Variants in CEACAM5 observed in about 807,000 individuals in gnomAD.
CEACAM5 encodes cell adhesion molecule CEACAM5.
Under a neutral mutation model 63.0 loss-of-function variants are expected in CEACAM5, and 52 were observed. The ratio of observed to expected loss-of-function variants is 0.83; its 90% confidence interval spans 0.66 to 1.04. CEACAM5 has a LOEUF of 1.04. Ranked by LOEUF, CEACAM5 falls within the 50% of genes least tolerant of loss-of-function variation. The pLI, the probability that CEACAM5 is intolerant of heterozygous loss-of-function variation, is 0.00. For missense variants in CEACAM5, 790 were observed against 864.8 expected, an observed-to-expected ratio of 0.91 and a Z score of 1.08; for synonymous variants, 357 against 351.3, an observed-to-expected ratio of 1.02 and a Z score of -0.18.
At chr19:41,712,135 C>T (rs1348165433) in intron 2 of CEACAM5, among the ~76,000 whole-genome samples, 2 of 152,200 alleles carry the variant, frequency 1.3e-5, no homozygotes, top group Non-Finnish European at 2.9e-5. Flanking sequence ...GTCTGCAGTC[C>T]CCAAAGCCCG....
intron 2 of CEACAM5, among the ~76,000 whole-genome samples, chr19:41,713,583 C>G (rs2072470996): frequency 6.6e-6 from 1 of 152,208 alleles, no homozygotes; most frequent in Admixed American, 6.5e-5. Flanking sequence ...TCTCCATTCC[C>G]CCAGTTCCCA....
intron 6 of CEACAM5, 121 bp downstream of exon 6, chr19:41,718,503 A>C (rs1462791159): frequency 9.8e-7 from 1 of 1,020,292 alleles, no homozygotes; most frequent in African/African-American, 1.6e-5. Context: ...AGCAATCCCA[A>C]ATTCAATCCT....
At chr19:41,722,363 CA>C (rs35093497) in intron 8 of CEACAM5, among the ~76,000 whole-genome samples, 1,272 of 87,512 alleles carry the variant, frequency 0.015, 12 homozygotes, top group Middle Eastern at 0.054. Context: ...GACTACATCA[CA>C]AAAAAAAAAA....
At chr19:41,711,405 G>C (rs1399467671) in intron 2 of CEACAM5, among the ~76,000 whole-genome samples, 2 of 152,202 alleles carry the variant, frequency 1.3e-5, no homozygotes, top group African/African-American at 4.8e-5. Context: ...CGCTTGCTCA[G>C]TAGCTCTCTC....
At position 41,709,720 on chromosome 19, in the gene CEACAM5, G is replaced by A. The variant is rs1189230508; in HGVS notation, c.105G>A (p.Lys35=). The A allele has an allele frequency of 1.9e-6, 3 of 1,614,078 alleles. No individual in the cohort carries two copies. The highest frequency in any genetic ancestry group is 1.7e-6 in the Non-Finnish European group (2 of 1,180,006). Residue 35 remains lysine, a synonymous_variant, in exon 2 of 10, where the codon AAG becomes AAA. Coordinates refer to ENST00000221992, the MANE Select transcript of CEACAM5 (RefSeq NM_004363.6). ...TCTGGAACCCGCCCACCACTGCCAA[G>A]CTCACTATTGAATCCACGCCGTTCA... ...LTFWNPPTTA[K]LTIESTPFNV... is the part of the protein sequence containing the mutation.
At chr19:41,712,167 A>G (rs2072446552) in intron 2 of CEACAM5, among the ~76,000 whole-genome samples, 1 of 152,128 alleles carries the variant, frequency 6.6e-6, no homozygotes, top group Non-Finnish European at 1.5e-5. Flanking sequence ...CACTCACTTC[A>G]CTACCCACTC....
rs2072740806 is a variant in CEACAM5 at position 41,729,198 on chromosome 19, TCTTC to T, written c.*55_*58del. 6.6e-6 allele frequency: 1 copy of T among 152,222 alleles called. No individual in the cohort carries two copies. The allele number at this position is 152,222 out of a possible 1,614,324, so 9.4% of individuals were successfully genotyped here. ...GTCATTCACAGACAGTTGTTTTGCT[TCTTC>T]CTTAAAGCATTTGCAACAGCTACAG... On this transcript the variant is annotated 3_prime_UTR_variant, in exon 10 of 10. Coordinates refer to ENST00000221992, the MANE Select transcript of CEACAM5 (RefSeq NM_004363.6).
intron 7 of CEACAM5, 56 bp from the exon 8 acceptor site, chr19:41,720,866 G>A (rs2072608089): frequency 1.3e-6 from 2 of 1,598,024 alleles, no homozygotes; most frequent in East Asian, 4.5e-5. Flanking sequence ...TCTACAATCA[G>A]GAGCTTCCCC....
chr19:41,709,583 C>T lies in CEACAM5; in HGVS notation c.65-97C>T, dbSNP rs192561851. The T allele has an allele frequency of 2.2e-5, 34 of 1,522,294 alleles. 1 individual carries two copies. The East Asian group carries it at 5.2e-4, about 23-fold the overall frequency. The allele number at this position is 1,522,294 out of a possible 1,614,324, so 94.3% of individuals were successfully genotyped here. On this transcript the variant is annotated intron_variant, in intron 1 of 9. Coordinates refer to ENST00000221992, the MANE Select transcript of CEACAM5 (RefSeq NM_004363.6). ...ACACACACACTCACTCACTCCAGGG[C>T]TGGGGGATGAAGAGACCTGCTCAGG...
intron 2 of CEACAM5, among the ~76,000 whole-genome samples, chr19:41,714,169 C>A (rs782622032): frequency 3.3e-5 from 5 of 152,104 alleles, no homozygotes; most frequent in African/African-American, 7.2e-5. Context: ...GAGCCGAGAT[C>A]GTGCCTGGCC....
rs1457725871 is a variant in CEACAM5 at position 41,718,176 on chromosome 19, CA to C, written c.1287del (p.Val431Ter). 1 of 1,614,072 alleles carries C rather than the reference CA, an allele frequency of 6.2e-7. No individual in the cohort carries two copies. The highest frequency in any genetic ancestry group is 8.5e-7 in the Non-Finnish European group (1 of 1,180,050). ...TISPSYTYYR[P>X]GVNLSLSCHA... ...TCCCCCTCATACACCTATTACCGTC[CA>C]GGGGTGAACCTCAGCCTCTCCTGCC... On this transcript the variant is annotated frameshift_variant, in exon 6 of 10. Coordinates refer to ENST00000221992, the MANE Select transcript of CEACAM5 (RefSeq NM_004363.6). LOFTEE classifies it high-confidence loss of function.
chr19:41,716,569 T>A (rs1372441944), intron 4 of CEACAM5, among the ~76,000 whole-genome samples: 1 of 152,216 alleles, frequency 6.6e-6, no homozygotes, highest in Non-Finnish European at 1.5e-5. Flanking sequence ...GGCAGACTCC[T>A]GAGCTGCGTC....
At chr19:41,709,247 C>A (rs1411529513) in intron 1 of CEACAM5, among the ~76,000 whole-genome samples, 1 of 152,170 alleles carries the variant, frequency 6.6e-6, no homozygotes, top group Non-Finnish European at 1.5e-5. Context: ...GAAGCTCATG[C>A]TCTCATGGGG....
chr19:41,710,287 G>A (rs968294895), intron 2 of CEACAM5, among the ~76,000 whole-genome samples: 1 of 152,178 alleles, frequency 6.6e-6, no homozygotes, highest in Non-Finnish European at 1.5e-5. Context: ...TTAGCAGGGG[G>A]AGGTCAGTCT....
chr19:41,709,433 A>G (rs1555813479), intron 1 of CEACAM5, among the ~76,000 whole-genome samples: 2 of 152,068 alleles, frequency 1.3e-5, no homozygotes, highest in African/African-American at 4.8e-5. Context: ...GGCAATGGGG[A>G]GGGAGCCGTG....
chr19:41,730,382 G>A lies in CEACAM5; in HGVS notation c.*1235G>A, dbSNP rs950919606. On this transcript the variant is annotated 3_prime_UTR_variant, in exon 10 of 10. Transcript: ENST00000221992. Reference sequence around the variant, plus strand: ...GCTTGCAGTGAGCCAAGATCATGCCGCTGCACTCCAGCCTGGGAGACAAAG... The same window carrying A: ...GCTTGCAGTGAGCCAAGATCATGCCACTGCACTCCAGCCTGGGAGACAAAG... 4.0e-5 allele frequency among the ~76,000 whole-genome samples: 6 copies of A among 149,902 alleles called. No individual in the cohort carries two copies. The highest frequency in any genetic ancestry group is 1.5e-4 in the African/African-American group (6 of 40,434).
intron 4 of CEACAM5, 102 bp downstream of exon 4, chr19:41,716,006 G>C: frequency 7.4e-7 from 1 of 1,347,326 alleles, no homozygotes; most frequent in Non-Finnish European, 1.0e-6. Flanking sequence ...CCTGTGTCCA[G>C]TGGGCACAAG....
chr19:41,724,553 G>T (rs1391133940), intron 8 of CEACAM5, among the ~76,000 whole-genome samples: 1 of 152,046 alleles, frequency 6.6e-6, no homozygotes, highest in African/African-American at 2.4e-5. Context: ...AGCTCACTTT[G>T]AGTGGTATTG....
chr19:41,727,345 GA>G lies in CEACAM5; in HGVS notation c.*31del. ...CCCTGGTGTAGTTTCTTCATTTCAG[GA>G]AGACTGGTAGGTATAATGGCCTTTC... On this transcript the variant is annotated 3_prime_UTR_variant, in exon 9 of 10. Transcript: ENST00000221992. The G allele has an allele frequency of 6.6e-7, 1 of 1,505,160 alleles. No homozygotes were observed. Among genetic ancestry groups the G allele is most frequent in the Non-Finnish European group, 9.2e-7 (1 of 1,081,572 alleles). The allele number at this position is 1,505,160 out of a possible 1,614,324, so 93.2% of individuals were successfully genotyped here. A position where few individuals can be genotyped will look rare whatever the true frequency, so the allele number is the denominator to read the frequency against.
Sources: allele counts gnomAD v4.1 joint callset (sites outside exome capture counted in the v4.1 genomes callset), GRCh38; gene constraint gnomAD v4.1.1; transcripts MANE v1.5; gene names NCBI Gene and HGNC (gene_info 2026-07-23, HGNC 2026-07-21).